The following PABPC4L variants were observed in gnomAD, a reference collection of about 807,000 sequenced individuals.
PABPC4L encodes poly(A) binding protein cytoplasmic 4 like.
For missense variants in PABPC4L, 452 were observed against 451.4 expected, an observed-to-expected ratio of 1.00 and a Z score of -0.01; for synonymous variants, 169 against 164.1, an observed-to-expected ratio of 1.03 and a Z score of -0.23.
chr4:134,011,316 T>G, the PABPC4L span, among the ~76,000 whole-genome samples: 1 of 152,056 alleles, frequency 6.6e-6, no homozygotes, highest in African/African-American at 2.4e-5. Flanking sequence ...AACATTACAT[T>G]ACAAGTTTCA....
chr4:134,103,016 G>A, the PABPC4L span, among the ~76,000 whole-genome samples: 1 of 151,522 alleles, frequency 6.6e-6, no homozygotes, highest in African/African-American at 2.4e-5. Flanking sequence ...CATGTGGAAG[G>A]TTCAGAATAA....
the PABPC4L span, among the ~76,000 whole-genome samples, chr4:134,024,252 C>T: frequency 6.6e-6 from 1 of 152,118 alleles, no homozygotes; most frequent in African/African-American, 2.4e-5. Context: ...CTCTGGAAAG[C>T]CCTCTCCAAA....
the PABPC4L span, among the ~76,000 whole-genome samples, chr4:134,123,888 A>G: frequency 1.3e-5 from 2 of 152,112 alleles, no homozygotes; most frequent in Non-Finnish European, 1.5e-5. Flanking sequence ...CAGAGCTGCA[A>G]TTGAAAAAAA....
the PABPC4L span, among the ~76,000 whole-genome samples, chr4:134,130,469 G>C: frequency 1.3e-5 from 2 of 151,842 alleles, no homozygotes; most frequent in Non-Finnish European, 2.9e-5. Context: ...CACCCTCCTA[G>C]TTTAAACCAG....
chr4:134,032,319 A>G, the PABPC4L span, among the ~76,000 whole-genome samples: 2 of 151,912 alleles, frequency 1.3e-5, no homozygotes, highest in Non-Finnish European at 2.9e-5. Flanking sequence ...TTCTATATTT[A>G]TCAAGTCAAC....
the PABPC4L span, among the ~76,000 whole-genome samples, chr4:133,978,565 G>A: frequency 6.6e-6 from 1 of 152,054 alleles, no homozygotes; most frequent in Non-Finnish European, 1.5e-5. Context: ...GTGTGTGTGT[G>A]TGTGTGTGTG....
At chr4:133,986,944 C>T in the PABPC4L span, among the ~76,000 whole-genome samples, 1 of 152,050 alleles carries the variant, frequency 6.6e-6, no homozygotes, top group Non-Finnish European at 1.5e-5. Flanking sequence ...GTATGTTGGC[C>T]AGGCTAGTCT....
chr4:134,180,007 A>G, the PABPC4L span, among the ~76,000 whole-genome samples: 1 of 152,168 alleles, frequency 6.6e-6, no homozygotes, highest in East Asian at 1.9e-4. Context: ...AAACTAACAA[A>G]GGTATTTGTG....
chr4:134,036,065 C>T, the PABPC4L span, among the ~76,000 whole-genome samples: 1 of 151,902 alleles, frequency 6.6e-6, no homozygotes, highest in Non-Finnish European at 1.5e-5. Context: ...GATTTTAATT[C>T]AAGATGAGGT....
At chr4:134,201,490 G>A (rs957719424) in intron 1 of PABPC4L, among the ~76,000 whole-genome samples, 10 of 152,110 alleles carry the variant, frequency 6.6e-5, no homozygotes, top group Non-Finnish European at 1.5e-5. Flanking sequence ...GGTTCTGCCC[G>A]GCAGAGACCC....
At chr4:134,020,410 A>G in the PABPC4L span, among the ~76,000 whole-genome samples, 1 of 152,112 alleles carries the variant, frequency 6.6e-6, no homozygotes, top group Non-Finnish European at 1.5e-5. Flanking sequence ...TTAAAGCAAA[A>G]TTAGGAATGC....
chr4:134,201,347 CCA>C, intron 1 of PABPC4L, 102 bp from the exon 2 acceptor site: 1 of 1,203,962 alleles, frequency 8.3e-7, no homozygotes, highest in Non-Finnish European at 1.1e-6. Context: ...TGAGCATTCT[CCA>C]CAGACGCCCT....
At chr4:134,108,291 G>A in the PABPC4L span, among the ~76,000 whole-genome samples, 1 of 151,698 alleles carries the variant, frequency 6.6e-6, no homozygotes, top group Non-Finnish European at 1.5e-5. Context: ...GTCAAATTTA[G>A]ACTAGTGTTA....
chr4:134,123,297 A>T, the PABPC4L span, among the ~76,000 whole-genome samples: 1 of 152,078 alleles, frequency 6.6e-6, no homozygotes, highest in Non-Finnish European at 1.5e-5. Context: ...GCATCTCAGA[A>T]CTATGCTTAG....
the PABPC4L span, among the ~76,000 whole-genome samples, chr4:134,035,160 T>C: frequency 6.6e-6 from 1 of 152,052 alleles, no homozygotes; most frequent in African/African-American, 2.4e-5. Context: ...TTAGCATTTT[T>C]AGCAGTGTTT....
the PABPC4L span, among the ~76,000 whole-genome samples, chr4:134,157,728 C>T: frequency 3.0e-4 from 45 of 151,838 alleles, no homozygotes; most frequent in Non-Finnish European, 5.6e-4. Flanking sequence ...TAGTACATAT[C>T]AGTGCATCCT....
the PABPC4L span, among the ~76,000 whole-genome samples, chr4:133,987,867 GAAGA>G: frequency 8.5e-5 from 13 of 152,184 alleles, no homozygotes; most frequent in African/African-American, 3.1e-4. Context: ...GTAATTTACA[GAAGA>G]AAGAGGTTTA....
chr4:133,960,912 C>T, the PABPC4L span, among the ~76,000 whole-genome samples: 1 of 152,098 alleles, frequency 6.6e-6, no homozygotes, highest in Non-Finnish European at 1.5e-5. Context: ...CAGTAAGATC[C>T]GCCCAAGGAG....
At chr4:134,086,373 C>G in the PABPC4L span, among the ~76,000 whole-genome samples, 1 of 152,088 alleles carries the variant, frequency 6.6e-6, no homozygotes, top group Non-Finnish European at 1.5e-5. Context: ...CTAAAGGCAG[C>G]ACTTTGGTTA....
Sources: gnomAD v4.1 joint callset for allele counts (sites outside exome capture counted in the v4.1 genomes callset) on GRCh38, gnomAD v4.1.1 for gene constraint, MANE v1.5 for transcripts, NCBI Gene and HGNC (gene_info 2026-07-23, HGNC 2026-07-21) for gene names.